ANKFN1: variants seen among roughly 807,000 people sequenced by gnomAD.
ANKFN1 encodes ankyrin repeat and fibronectin type III domain containing 1, also known as ankyrin repeat and fibronectin type-III domain-containing protein 1.
A neutral mutation model predicts 108.7 loss-of-function variants in ANKFN1; 74 were observed. The observed-to-expected ratio is 0.68, with a 90% CI of 0.56 to 0.83. ANKFN1 has a LOEUF of 0.83. ANKFN1 is among the 40% of genes least tolerant of loss of function. The pLI, the probability that ANKFN1 is intolerant of heterozygous loss-of-function variation, is 0.00. For synonymous variants in ANKFN1, 547 were observed against 516.2 expected, an observed-to-expected ratio of 1.06 and a Z score of -0.81; for missense variants, 1,505 against 1,382.3, an observed-to-expected ratio of 1.09 and a Z score of -1.41.
chr17:56,068,212 C>A (rs1367029415), intron 4 of ANKFN1, among the ~76,000 whole-genome samples: 1 of 152,086 alleles, frequency 6.6e-6, no homozygotes, highest in African/African-American at 2.4e-5. Context: ...CATCCCTTGA[C>A]CCCAGTATCC....
intron 3 of ANKFN1, among the ~76,000 whole-genome samples, chr17:56,235,426 T>C (rs1917051287): frequency 6.6e-6 from 1 of 152,196 alleles, no homozygotes; most frequent in Non-Finnish European, 1.5e-5. Flanking sequence ...GCCATTTTTG[T>C]CCATTCCTAT....
intron 13 of ANKFN1, among the ~76,000 whole-genome samples, chr17:56,457,598 C>T (rs1053618235): frequency 1.3e-5 from 2 of 152,200 alleles, no homozygotes; most frequent in Non-Finnish European, 2.9e-5. Flanking sequence ...AGCAAAGAGA[C>T]TTGCATCCTG....
intron 3 of ANKFN1, among the ~76,000 whole-genome samples, chr17:56,232,069 A>G (rs1916778339): frequency 6.6e-6 from 1 of 152,120 alleles, no homozygotes; most frequent in Admixed American, 6.6e-5. Context: ...GGAGCAGCTC[A>G]GAAGAAGCTG....
At chr17:56,302,410 G>A (rs1412737569) in intron 3 of ANKFN1, among the ~76,000 whole-genome samples, 1 of 151,570 alleles carries the variant, frequency 6.6e-6, no homozygotes, top group Non-Finnish European at 1.5e-5. Flanking sequence ...AGTTAATCAT[G>A]AGGCTGAGGT....
upstream of ANKFN1, among the ~76,000 whole-genome samples, chr17:56,152,262 ATGTGTGTG>A (rs200366444): frequency 0.11 from 8,305 of 77,510 alleles, 342 homozygotes; most frequent in Admixed American, 0.19. Context: ...ATATATATAT[ATGTGTGTG>A]TGTGTGTGTG....
intron 3 of ANKFN1, among the ~76,000 whole-genome samples, chr17:56,322,388 C>A (rs1375460808): frequency 1.3e-5 from 2 of 152,172 alleles, no homozygotes; most frequent in African/African-American, 4.8e-5. Context: ...TGTCTTCCTG[C>A]TTCTGGGTTC....
intron 3 of ANKFN1, among the ~76,000 whole-genome samples, chr17:56,278,105 A>G (rs539647630): frequency 6.6e-6 from 1 of 152,336 alleles, no homozygotes; most frequent in South Asian, 2.1e-4. Context: ...GCAATTCCCA[A>G]TAAAAGCCCC....
chr17:56,159,033 CAAAAAAAAAAAAA>C (rs57878541), intron 1 of ANKFN1, among the ~76,000 whole-genome samples: 3 of 71,016 alleles, frequency 4.2e-5, no homozygotes, highest in African/African-American at 5.4e-5. Flanking sequence ...TGGTCTAGGC[CAAAAAAAAAAAAA>C]AAAAAAAAAG....
chr17:56,279,407 A>G lies in ANKFN1; in HGVS notation c.54-46814A>G, dbSNP rs567034789. Among the ~76,000 whole-genome samples the G allele has an allele frequency of 8.5e-5, 13 of 152,348 alleles. No homozygotes were observed. In the East Asian group the frequency reaches 2.1e-3, roughly 25 times the overall value. On this transcript the variant is annotated intron_variant, in intron 3 of 20. Coordinates refer to ENST00000682825, the MANE Select transcript of ANKFN1 (RefSeq NM_001370326.1). ...TACTAATATTGAAATTAGTAATATT[A>G]TCAGATATTCTGTGTTTTCACCCAA... is the stretch of plus-strand genomic sequence containing the variant.
At position 56,247,820 on chromosome 17, in the gene ANKFN1, G is replaced by T. The variant is rs530334476; in HGVS notation, c.53+19863G>T. ...TTCCCCAGACTTCTAACTTCACCTT[G>T]GTATGTTTTCTTCAAAGCCCCATTC... On this transcript the variant is annotated intron_variant, in intron 3 of 20. Coordinates refer to ENST00000682825, the MANE Select transcript of ANKFN1 (RefSeq NM_001370326.1). Among the ~76,000 whole-genome samples, 8 of 152,130 alleles carry T rather than the reference G, an allele frequency of 5.3e-5. 1 individual carries two copies. The South Asian group carries it at 1.7e-3, about 32-fold the overall frequency.
At chr17:56,457,567 A>G (rs944692894) in intron 13 of ANKFN1, among the ~76,000 whole-genome samples, 178 bp downstream of exon 13, 3 of 152,146 alleles carry the variant, frequency 2.0e-5, no homozygotes, top group Admixed American at 1.3e-4. Flanking sequence ...CACCAAAGTA[A>G]CGTGTGCGCT....
intron 8 of ANKFN1, among the ~76,000 whole-genome samples, chr17:56,382,959 C>A (rs1342737254): frequency 6.6e-6 from 1 of 152,178 alleles, no homozygotes; most frequent in Non-Finnish European, 1.5e-5. Context: ...GAATTGAACT[C>A]AGCTCTGCAC....
intron 4 of ANKFN1, among the ~76,000 whole-genome samples, chr17:56,049,922 C>G (rs1322655781): frequency 2.4e-4 from 37 of 152,062 alleles, no homozygotes; most frequent in East Asian, 7.7e-4. Flanking sequence ...TGGGATGGCT[C>G]GGTCAAATGG....
rs887608269 is a variant in ANKFN1, at chr17:56,513,138, G to A, written c.*1869G>A. On this transcript the variant is annotated 3_prime_UTR_variant, in exon 21 of 21. Coordinates refer to ENST00000682825, the MANE Select transcript of ANKFN1 (RefSeq NM_001370326.1). ...GAGCTGGTTTAGTCTCAGAGTTAGGGTCAGAACTAGAATTATTCCCTTTAT... is the reference window on the plus strand; with the variant it reads ...GAGCTGGTTTAGTCTCAGAGTTAGGATCAGAACTAGAATTATTCCCTTTAT... Among the ~76,000 whole-genome samples the A allele has an allele frequency of 5.3e-5, 8 of 152,190 alleles. No individual in the cohort carries two copies. The highest frequency in any genetic ancestry group is 1.9e-4 in the African/African-American group (8 of 41,458).
chr17:56,079,831 T>A (rs1905224238), intron 4 of ANKFN1, among the ~76,000 whole-genome samples: 1 of 152,182 alleles, frequency 6.6e-6, no homozygotes, highest in African/African-American at 2.4e-5. Context: ...TAAAAAACAT[T>A]GGCACATTTG....
intron 8 of ANKFN1, among the ~76,000 whole-genome samples, chr17:56,402,049 G>T (rs1296896469): frequency 1.3e-5 from 2 of 152,110 alleles, no homozygotes; most frequent in East Asian, 3.8e-4. Context: ...AAACCCACTT[G>T]ATCATGATGG....
chr17:56,484,064 T>A (rs2050787248), intron 18 of ANKFN1, among the ~76,000 whole-genome samples: 1 of 152,196 alleles, frequency 6.6e-6, no homozygotes, highest in Non-Finnish European at 1.5e-5. Context: ...ACAAACAGGA[T>A]GTTAATAAAC....
At chr17:56,341,363 G>A (rs879561026) in intron 4 of ANKFN1, among the ~76,000 whole-genome samples, 6 of 152,224 alleles carry the variant, frequency 3.9e-5, no homozygotes, top group Non-Finnish European at 7.4e-5. Context: ...TAGTGGGAGA[G>A]GACATCCTTG....
At chr17:56,217,354 A>G (rs1218931129) in intron 2 of ANKFN1, among the ~76,000 whole-genome samples, 2 of 152,166 alleles carry the variant, frequency 1.3e-5, no homozygotes, top group African/African-American at 4.8e-5. Flanking sequence ...GTCAAAGACC[A>G]TTTCCTCATG....
Sources: gnomAD v4.1 joint callset for allele counts (sites outside exome capture counted in the v4.1 genomes callset) on GRCh38, gnomAD v4.1.1 for gene constraint, MANE v1.5 for transcripts, NCBI Gene and HGNC (gene_info 2026-07-23, HGNC 2026-07-21) for gene names.